MYO9A: variants seen among roughly 807,000 people sequenced by gnomAD.
The protein encoded by MYO9A is unconventional myosin-IXa.
Under a neutral mutation model 293.3 loss-of-function variants are expected in MYO9A, and 103 were observed. That is an observed-to-expected ratio of 0.35 (90% confidence interval 0.30 to 0.41). The LOEUF (loss-of-function observed/expected upper bound fraction) is 0.41, where lower values mean the gene tolerates loss of function less well. Ranked by LOEUF, MYO9A falls within the 10% of genes least tolerant of loss-of-function variation. The pLI, the probability that MYO9A is intolerant of heterozygous loss-of-function variation, is 1.00. For synonymous variants in MYO9A, 1,001 were observed against 1,035.7 expected (o/e 0.97, Z 0.64); for missense variants, 2,685 against 3,033.0 (o/e 0.89, Z 2.69).
rs889630125 is a variant in MYO9A, at chr15:72,016,748, T to C, written c.1155+2291A>G. 1.3e-4 allele frequency among the ~76,000 whole-genome samples: 20 copies of C among 152,068 alleles called. 1 individual carries two copies. The highest frequency in any genetic ancestry group is 2.9e-5 in the Non-Finnish European group (2 of 68,018). On this transcript the variant is annotated intron_variant, in intron 6 of 41. Transcript: ENST00000356056. ...ATTTTAAGACACAATAAACGGATAATGGTGATGAAAGTATGATTAAGGGAA... is the reference window on the plus strand; with the variant it reads ...ATTTTAAGACACAATAAACGGATAACGGTGATGAAAGTATGATTAAGGGAA...
At chr15:72,071,233 A>G (rs1413430953) in intron 1 of MYO9A, among the ~76,000 whole-genome samples, 1 of 152,258 alleles carries the variant, frequency 6.6e-6, no homozygotes, top group African/African-American at 2.4e-5. Flanking sequence ...AAAGGTGGGC[A>G]AAGGACAGGA....
intron 14 of MYO9A, among the ~76,000 whole-genome samples, chr15:71,952,345 C>T (rs1341941181): frequency 1.3e-5 from 2 of 152,150 alleles, no homozygotes; most frequent in Admixed American, 6.5e-5. Flanking sequence ...ATTAACCACA[C>T]TTGTAGGAAT....
intron 6 of MYO9A, among the ~76,000 whole-genome samples, chr15:72,011,088 C>A (rs1353689046): frequency 6.6e-6 from 1 of 151,738 alleles, no homozygotes; most frequent in African/African-American, 2.4e-5. Flanking sequence ...TGGCTCACTG[C>A]AGCTTCGACC....
intron 4 of MYO9A, among the ~76,000 whole-genome samples, chr15:72,024,918 CA>C (rs1010086944): frequency 1.1e-4 from 16 of 150,054 alleles, no homozygotes; most frequent in East Asian, 1.9e-4. Flanking sequence ...AACAGAAGAA[CA>C]AAAAAAAATC....
Position 71,898,003 on chromosome 15 carries a change from C to T in MYO9A, c.4500G>A (p.Arg1500=). 1.9e-6 allele frequency: 3 copies of T among 1,614,072 alleles called. No homozygotes were observed. Among genetic ancestry groups the T allele is most frequent in the Non-Finnish European group, 2.5e-6 (3 of 1,180,022 alleles). Residue 1500 remains arginine, a synonymous_variant, in exon 25 of 42, where the codon AGG becomes AGA. Coordinates refer to ENST00000356056, the MANE Select transcript of MYO9A (RefSeq NM_006901.4). Reference sequence around the variant, plus strand: ...CATTCTGTTGCTGCAACTGTTTTTGCCTTTCTTCCTTCTCAGTGTTTAGCT... The same window carrying T: ...CATTCTGTTGCTGCAACTGTTTTTGTCTTTCTTCCTTCTCAGTGTTTAGCT... ...LEKLNTEKEE[R]QKQLQQQNEK...
chr15:71,970,243 A>G (rs2075976034), intron 12 of MYO9A, among the ~76,000 whole-genome samples: 1 of 152,174 alleles, frequency 6.6e-6, no homozygotes, highest in Non-Finnish European at 1.5e-5. Flanking sequence ...CATCCTATTC[A>G]TATGTAACTC....
intron 13 of MYO9A, among the ~76,000 whole-genome samples, chr15:71,966,339 G>T (rs1162350937): frequency 1.4e-5 from 2 of 144,838 alleles, no homozygotes; most frequent in South Asian, 2.2e-4. Flanking sequence ...TTAATTAAAA[G>T]TAAAATTAAG....
chr15:72,110,442 A>AAAAAAAAAAAAAAAAAAAAAAAAAC (rs2080740972), intron 1 of MYO9A, among the ~76,000 whole-genome samples: 1 of 149,316 alleles, frequency 6.7e-6, no homozygotes, highest in Non-Finnish European at 1.5e-5. Flanking sequence ...TCTCAAAAAA[A>AAAAAAAAAAAAAAAAAAAAAAAAAC]AAAAAAAAAA....
chr15:71,830,973 CTTTT>C (rs67440366), intron 39 of MYO9A, among the ~76,000 whole-genome samples: 3 of 103,072 alleles, frequency 2.9e-5, no homozygotes, highest in Admixed American at 1.1e-4. Flanking sequence ...CTGCTTCTTC[CTTTT>C]TTTTTTTTTT....
chr15:71,924,478 G>A (rs190593740), intron 18 of MYO9A, among the ~76,000 whole-genome samples: 8 of 152,162 alleles, frequency 5.3e-5, no homozygotes, highest in African/African-American at 1.2e-4. Flanking sequence ...TCCTGATCTC[G>A]TGACCTGCCC....
At chr15:72,113,952 T>C (rs1165805559) in intron 1 of MYO9A, among the ~76,000 whole-genome samples, 1 of 152,080 alleles carries the variant, frequency 6.6e-6, no homozygotes, top group Non-Finnish European at 1.5e-5. Flanking sequence ...GGGGGTCACA[T>C]AGTAGTTATA....
Position 71,897,904 on chromosome 15 carries a change from A to T in MYO9A, c.4599T>A (p.Ile1533=). 6.2e-7 allele frequency: 1 copy of T among 1,614,072 alleles called. No homozygotes were observed. The highest frequency in any genetic ancestry group is 8.5e-7 in the Non-Finnish European group (1 of 1,180,012). ...LEKERKAFKT[I]EKPRIGECLV... is the part of the protein sequence containing the mutation. The stretch of plus-strand genomic sequence containing the variant: ...AACACTCTCCAATTCTTGGCTTTTC[A>T]ATTGTCTTGAAGGCTTTGCGCTCCT... Residue 1533 remains isoleucine, a synonymous_variant, in exon 25 of 42, where the codon ATT becomes ATA. Coordinates refer to ENST00000356056, the MANE Select transcript of MYO9A (RefSeq NM_006901.4).
intron 14 of MYO9A, among the ~76,000 whole-genome samples, chr15:71,956,319 A>AC (rs1216421610): frequency 2.5e-5 from 1 of 40,250 alleles, no homozygotes; most frequent in South Asian, 1.0e-3. Flanking sequence ...TTAAAAAAAA[A>AC]AAAAAAAAAA....
At chr15:71,991,437 T>C (rs983411370) in intron 10 of MYO9A, among the ~76,000 whole-genome samples, 200 bp from the exon 11 acceptor site, 7 of 152,212 alleles carry the variant, frequency 4.6e-5, no homozygotes, top group African/African-American at 1.4e-4. Context: ...TAAAAAAATA[T>C]ATCCAAACTG....
chr15:72,118,261 T>G, upstream of MYO9A: 2 of 305,830 alleles, frequency 6.5e-6, no homozygotes, highest in Non-Finnish European at 6.0e-6. Context: ...CACGCCCCCT[T>G]TCCTACGCCC....
In MYO9A at chr15:72,042,044, C is replaced by T. The variant is rs946485755; in HGVS notation, c.840+3680G>A. ...AAAAAAAAAAACCAGTTCTACACAA[C>T]TCTTCCAAAAATACGAGGAGAAAAG... On this transcript the variant is annotated intron_variant, in intron 2 of 41. Transcript: ENST00000356056. Among the ~76,000 whole-genome samples, 4 of 149,254 alleles carry T rather than the reference C, an allele frequency of 2.7e-5. 1 individual carries two copies. Among genetic ancestry groups the T allele is most frequent in the Admixed American group, 2.7e-4 (4 of 15,012 alleles).
chr15:71,853,499 C>T (rs577442934), intron 35 of MYO9A, among the ~76,000 whole-genome samples: 4 of 152,302 alleles, frequency 2.6e-5, no homozygotes, highest in Non-Finnish European at 5.9e-5. Context: ...TAGACCAAGT[C>T]TCTTGTAGAC....
intron 2 of MYO9A, among the ~76,000 whole-genome samples, chr15:72,033,881 A>G (rs1052734484): frequency 9.2e-5 from 14 of 152,232 alleles, no homozygotes; most frequent in African/African-American, 3.4e-4. Context: ...TTGAAGAAAC[A>G]AAACTAGAAA....
chr15:72,039,536 AAAG>A (rs1342238077), intron 2 of MYO9A, among the ~76,000 whole-genome samples: 2 of 152,198 alleles, frequency 1.3e-5, no homozygotes, highest in Non-Finnish European at 2.9e-5. Flanking sequence ...CCCATGGTTC[AAAG>A]AAGAAATCAG....
Sources: gnomAD v4.1 joint callset for allele counts (sites outside exome capture counted in the v4.1 genomes callset) on GRCh38, gnomAD v4.1.1 for gene constraint, MANE v1.5 for transcripts, NCBI Gene and HGNC (gene_info 2026-07-23, HGNC 2026-07-21) for gene names.